Variants in USP47 observed in about 807,000 individuals in gnomAD.
The protein encoded by USP47 is ubiquitin carboxyl-terminal hydrolase 47.
Under a neutral mutation model 165.1 loss-of-function variants are expected in USP47, and 35 were observed. The ratio of observed to expected loss-of-function variants is 0.21; its 90% CI spans 0.16 to 0.28. The LOEUF is 0.28. Ranked by LOEUF, USP47 falls within the 10% of genes least tolerant of loss-of-function variation. The probability of loss-of-function intolerance (pLI) is 1.00; values close to 1 mark genes in which losing one functional copy is unlikely to be tolerated. For synonymous variants in USP47, 531 were observed against 544.5 expected, an observed-to-expected ratio of 0.98 and a Z score of 0.35; for missense variants, 1,277 against 1,607.4, an observed-to-expected ratio of 0.79 and a Z score of 3.52.
intron 1 of USP47, among the ~76,000 whole-genome samples, chr11:11,871,475 C>T (rs1378359126): frequency 7.8e-6 from 1 of 127,436 alleles, no homozygotes; most frequent in African/African-American, 2.9e-5. Context: ...TGCACTCCAG[C>T]CTGGCAACAG....
At chr11:11,934,613 A>G (rs1854921414) in intron 16 of USP47, among the ~76,000 whole-genome samples, 1 of 152,156 alleles carries the variant, frequency 6.6e-6, no homozygotes, top group Non-Finnish European at 1.5e-5. Context: ...GGCACGTTTA[A>G]GAAACTGAAG....
chr11:11,947,941 T>A lies in USP47; in HGVS notation c.3092-4T>A. The A allele has an allele frequency of 6.3e-7, 1 of 1,590,392 alleles. No homozygotes were observed. Among genetic ancestry groups the A allele is most frequent in the Non-Finnish European group, 8.5e-7 (1 of 1,173,344 alleles). On this transcript the variant is annotated splice_polypyrimidine_tract_variant and splice_region_variant and intron_variant, in intron 20 of 27. Transcript: ENST00000527733. ...TCCTGTTTTGGTTTTTTTTTTGTGC[T>A]TAGGGTTGATGGTGCATGTTGATAA...
intron 1 of USP47, among the ~76,000 whole-genome samples, chr11:11,845,076 A>T (rs1458381378): frequency 2.6e-5 from 4 of 152,238 alleles, no homozygotes; most frequent in Non-Finnish European, 5.9e-5. Context: ...TGTGTAATTC[A>T]AATTTTAGTC....
At chr11:11,872,586 C>G (rs1172447663) in intron 1 of USP47, among the ~76,000 whole-genome samples, 1 of 152,168 alleles carries the variant, frequency 6.6e-6, no homozygotes, top group East Asian at 1.9e-4. Context: ...CATAAAGACC[C>G]TGAAGGATGA....
At chr11:11,920,304 T>G in intron 9 of USP47, 38 bp from the exon 10 acceptor site, 10 of 1,607,024 alleles carry the variant, frequency 6.2e-6, no homozygotes, top group Non-Finnish European at 8.5e-6. Flanking sequence ...TATTCCATAT[T>G]CAATAGACTC....
At chr11:11,924,217 T>C (rs1316037902) in intron 11 of USP47, among the ~76,000 whole-genome samples, 1 of 152,230 alleles carries the variant, frequency 6.6e-6, no homozygotes, top group Non-Finnish European at 1.5e-5. Flanking sequence ...TTTTTTTCTA[T>C]GTCAGTTGAT....
At chr11:11,908,122 T>C (rs940580854) in intron 8 of USP47, among the ~76,000 whole-genome samples, 7 of 152,150 alleles carry the variant, frequency 4.6e-5, no homozygotes, top group African/African-American at 1.7e-4. Context: ...TGTAGACATA[T>C]ACACTAGCAC....
At chr11:11,883,636 G>C (rs899266963) in intron 2 of USP47, among the ~76,000 whole-genome samples, 3 of 152,166 alleles carry the variant, frequency 2.0e-5, no homozygotes, top group Non-Finnish European at 4.4e-5. Flanking sequence ...TAACAAAACA[G>C]TTTTAAAGAT....
intron 23 of USP47, 144 bp from the exon 24 acceptor site, chr11:11,950,220 C>A (rs977106392): frequency 3.5e-5 from 25 of 713,650 alleles, no homozygotes; most frequent in Non-Finnish European, 4.9e-5. Flanking sequence ...GGAAACATTT[C>A]TTTATTTCCC....
chr11:11,866,010 A>G (rs748268227), intron 1 of USP47, among the ~76,000 whole-genome samples: 1 of 152,016 alleles, frequency 6.6e-6, no homozygotes, highest in Non-Finnish European at 1.5e-5. Flanking sequence ...AAAAGTTTTA[A>G]TTTTGATGAA....
At chr11:11,912,047 G>A (rs1590359638) in intron 8 of USP47, among the ~76,000 whole-genome samples, 1 of 151,598 alleles carries the variant, frequency 6.6e-6, no homozygotes, top group Non-Finnish European at 1.5e-5. Flanking sequence ...AAAACATAAC[G>A]AATTTTTTTG....
At chr11:11,874,582 G>A (rs942280936) in intron 1 of USP47, among the ~76,000 whole-genome samples, 2 of 148,946 alleles carry the variant, frequency 1.3e-5, no homozygotes, top group African/African-American at 2.5e-5. Context: ...TTTTTGAGAC[G>A]GAGTTTTGCT....
At chr11:11,903,232 C>T (rs753358477) in intron 6 of USP47, 31 bp from the exon 7 acceptor site, 2 of 1,587,176 alleles carry the variant, frequency 1.3e-6, no homozygotes, top group East Asian at 2.3e-5. Context: ...AAGTTTATAG[C>T]TATTTCTAAT....
At chr11:11,900,154 C>CTTTTTTTTT (rs1042565841) in intron 5 of USP47, among the ~76,000 whole-genome samples, 4 of 99,078 alleles carry the variant, frequency 4.0e-5, no homozygotes, top group Non-Finnish European at 5.8e-5. Flanking sequence ...ATTTTCTTCA[C>CTTTTTTTTT]TTTTTTTTTT....
At chr11:11,940,647 C>T in intron 19 of USP47, 99 bp downstream of exon 19, 1 of 1,276,980 alleles carries the variant, frequency 7.8e-7, no homozygotes, top group African/African-American at 1.5e-5. Context: ...TGTTCAACAT[C>T]TGTCTGGAAC....
At position 11,933,876 on chromosome 11, in the gene USP47, A is replaced by G; in HGVS notation, c.1810A>G (p.Asn604Asp). Residue 604 changes from asparagine (N) to aspartate (D), a missense_variant, in exon 16 of 28, where the codon AAT becomes GAT. Physicochemically the swap from Asn to Asp is conservative, Grantham distance 23. Transcript: ENST00000527733. ...LHPTKQVMME[N>D]KLEVHKDKTL... The stretch of plus-strand genomic sequence containing the variant: ...TCCTACAAAACAAGTAATGATGGAA[A>G]ATAAATTGGAGGTTCATAAGGATAA... 6.2e-7 allele frequency: 1 copy of G among 1,610,276 alleles called. No homozygotes were observed. Among genetic ancestry groups the G allele is most frequent in the Non-Finnish European group, 8.5e-7 (1 of 1,177,480 alleles).
At chr11:11,902,608 A>G (rs749031264) in intron 5 of USP47, 107 bp from the exon 6 acceptor site, 5 of 833,662 alleles carry the variant, frequency 6.0e-6, no homozygotes, top group African/African-American at 3.5e-5. Context: ...CAAACTCTGT[A>G]TAGCTTCCAG....
chr11:11,944,990 A>T (rs1284632984), intron 20 of USP47, among the ~76,000 whole-genome samples: 1 of 152,212 alleles, frequency 6.6e-6, no homozygotes, highest in Non-Finnish European at 1.5e-5. Flanking sequence ...AAAATCTTTT[A>T]AATGGAGAAT....
intron 24 of USP47, chr11:11,951,182 T>A (rs1169740038): frequency 6.6e-6 from 1 of 152,476 alleles, no homozygotes. Flanking sequence ...TGCCTTCATC[T>A]TCATGTGGTG....
Sources: allele counts gnomAD v4.1 joint callset (sites outside exome capture counted in the v4.1 genomes callset), GRCh38; gene constraint gnomAD v4.1.1; transcripts MANE v1.5; gene names NCBI Gene and HGNC (gene_info 2026-07-23, HGNC 2026-07-21).